Variants in DDX19B observed in about 807,000 individuals in gnomAD.
DDX19B encodes ATP-dependent RNA helicase DDX19B.
Under a neutral mutation model 58.1 loss-of-function variants are expected in DDX19B, and 27 were observed. The observed-to-expected ratio is 0.46, with a 90% CI of 0.34 to 0.64. The LOEUF is 0.64. Ranked by LOEUF, DDX19B falls within the 30% of genes least tolerant of loss-of-function variation. DDX19B has a pLI of 0.01. For synonymous variants in DDX19B, 187 were observed against 214.4 expected, an observed-to-expected ratio of 0.87 and a Z score of 1.12; for missense variants, 399 against 596.5, an observed-to-expected ratio of 0.67 and a Z score of 3.45.
chr16:70,295,809 A>G (rs2152179184), upstream of DDX19B, among the ~76,000 whole-genome samples: 1 of 152,048 alleles, frequency 6.6e-6, no homozygotes, highest in Non-Finnish European at 1.5e-5. Context: ...AGGATATAGT[A>G]TGTGCTGTAA....
upstream of DDX19B, among the ~76,000 whole-genome samples, chr16:70,293,153 A>G (rs910047172): frequency 2.0e-5 from 3 of 152,030 alleles, no homozygotes; most frequent in African/African-American, 7.2e-5. Context: ...GTGATGGCGT[A>G]TACCTTTAAT....
At chr16:70,292,302 G>C (rs543319989), upstream of DDX19B, among the ~76,000 whole-genome samples, 6 of 152,150 alleles carry the variant, frequency 3.9e-5, no homozygotes, top group African/African-American at 1.4e-4. Flanking sequence ...ACCACGCCCA[G>C]TTATTTTTTT....
intron 7 of DDX19B, among the ~76,000 whole-genome samples, chr16:70,326,119 C>T (rs777483234): frequency 4.6e-5 from 7 of 152,210 alleles, no homozygotes; most frequent in Non-Finnish European, 7.3e-5. Context: ...TGTACCCCTA[C>T]CTTTTTCTCT....
At chr16:70,308,482 C>T (rs1188995460) in intron 1 of DDX19B, among the ~76,000 whole-genome samples, 1 of 152,098 alleles carries the variant, frequency 6.6e-6, no homozygotes, top group East Asian at 1.9e-4. Flanking sequence ...GGTGATCAGC[C>T]TGCCTCAGCC....
chr16:70,313,162 G>C (rs1343553470), intron 2 of DDX19B, among the ~76,000 whole-genome samples: 1 of 150,066 alleles, frequency 6.7e-6, no homozygotes, highest in Non-Finnish European at 1.5e-5. Context: ...GGGACTACAG[G>C]CACCTGCCAC....
Position 70,329,867 on chromosome 16 carries a change from C to T in DDX19B, c.822C>T (p.Ser274=), listed in dbSNP as rs147242047. 56 of 1,614,100 alleles carry T rather than the reference C, an allele frequency of 3.5e-5. No individual in the cohort carries two copies. The African/African-American group carries it at 3.9e-4, about 11-fold the overall frequency. The part of the protein sequence containing the change: ...LPRNCQMLLF[S]ATFEDSVWKF... Reference sequence around the variant, plus strand: ...GGAACTGCCAGATGCTGCTTTTCTCCGCCACCTTTGAAGACTCTGTGTGGA... The same window carrying T: ...GGAACTGCCAGATGCTGCTTTTCTCTGCCACCTTTGAAGACTCTGTGTGGA... Residue 274 remains serine, a synonymous_variant, in exon 9 of 12, where the codon TCC becomes TCT. Transcript: ENST00000288071.
At chr16:70,305,522 T>G (rs1961704649) in intron 1 of DDX19B, among the ~76,000 whole-genome samples, 2 of 152,326 alleles carry the variant, frequency 1.3e-5, no homozygotes, top group African/African-American at 4.8e-5. Flanking sequence ...TACTTTACTG[T>G]TTTATTAAAT....
intron 1 of DDX19B, among the ~76,000 whole-genome samples, chr16:70,311,994 G>A (rs1328008743): frequency 6.6e-6 from 1 of 151,798 alleles, no homozygotes; most frequent in African/African-American, 2.4e-5. Context: ...GGCATGCACC[G>A]CCACGCCCAG....
intron 4 of DDX19B, among the ~76,000 whole-genome samples, chr16:70,316,878 G>A (rs776915742): frequency 1.3e-5 from 2 of 151,910 alleles, no homozygotes; most frequent in Admixed American, 6.6e-5. Flanking sequence ...CAAGACCAGC[G>A]TGGCCAACAT....
upstream of DDX19B, among the ~76,000 whole-genome samples, chr16:70,292,461 A>G (rs998097425): frequency 2.0e-5 from 3 of 152,184 alleles, no homozygotes; most frequent in African/African-American, 7.2e-5. Context: ...TGTCTCTTAA[A>G]ACAAAAAAAA....
chr16:70,308,426 A>G (rs545788766), intron 1 of DDX19B, among the ~76,000 whole-genome samples: 10 of 150,970 alleles, frequency 6.6e-5, no homozygotes, highest in African/African-American at 2.4e-4. Flanking sequence ...TAGTAGAGAC[A>G]GGGTTTTACC....
intron 10 of DDX19B, among the ~76,000 whole-genome samples, chr16:70,332,593 A>C (rs373881983): frequency 6.6e-6 from 1 of 151,836 alleles, no homozygotes; most frequent in African/African-American, 2.4e-5. Context: ...GAGCCACCGC[A>C]CTCGGCCCCC....
intron 3 of DDX19B, 33 bp from the exon 4 acceptor site, chr16:70,315,936 T>C (rs971982769): frequency 1.9e-6 from 3 of 1,606,036 alleles, no homozygotes; most frequent in Non-Finnish European, 2.6e-6. Context: ...TTCAAGGACT[T>C]TTTAAAATTC....
intron 5 of DDX19B, among the ~76,000 whole-genome samples, chr16:70,320,123 T>C (rs1962686294): frequency 6.6e-6 from 1 of 151,970 alleles, no homozygotes; most frequent in Non-Finnish European, 1.5e-5. Context: ...TTTTTTTTTT[T>C]CTGGGAGATA....
At chr16:70,309,567 C>A (rs908929770) in intron 1 of DDX19B, among the ~76,000 whole-genome samples, 1 of 151,004 alleles carries the variant, frequency 6.6e-6, no homozygotes, top group Non-Finnish European at 1.5e-5. Flanking sequence ...CGCCTGTAAT[C>A]CCAGCACTTT....
rs764216902 is a variant in DDX19B at position 70,317,563 on chromosome 16, G to A, written c.364G>A (p.Ala122Thr). ...TCGTCCATCCAAGATACAAGAGAACGCATTGCCACTGATGCTTGCTGAGCC... is the reference window on the plus strand; with the variant it reads ...TCGTCCATCCAAGATACAAGAGAACACATTGCCACTGATGCTTGCTGAGCC... ...FNRPSKIQEN[A>T]LPLMLAEPPQ... Residue 122 changes from alanine to threonine, a missense_variant, in exon 5 of 12, where the codon GCA becomes ACA. Physicochemically the swap from Ala to Thr is moderately conservative, Grantham distance 58. This residue lies in a region of DDX19B where 132 missense variants were observed against 159.4 expected (regional missense o/e 0.83). Coordinates refer to ENST00000288071, the MANE Select transcript of DDX19B (RefSeq NM_007242.7). 11 of 1,612,648 alleles carry A rather than the reference G, an allele frequency of 6.8e-6. No homozygotes were observed. The highest frequency in any genetic ancestry group is 8.5e-6 in the Non-Finnish European group (10 of 1,179,118).
intron 2 of DDX19B, among the ~76,000 whole-genome samples, chr16:70,314,540 T>C (rs915647899): frequency 1.3e-5 from 2 of 151,946 alleles, no homozygotes; most frequent in African/African-American, 4.8e-5. Flanking sequence ...GGCGGGTGCC[T>C]GTAATCCCAG....
At chr16:70,292,989 C>T (rs933949223), upstream of DDX19B, among the ~76,000 whole-genome samples, 1 of 151,768 alleles carries the variant, frequency 6.6e-6, no homozygotes, top group Admixed American at 6.6e-5. Flanking sequence ...ACCTGTAATC[C>T]CAGCTACTCA....
At chr16:70,296,539 G>A (rs1014103261), upstream of DDX19B, among the ~76,000 whole-genome samples, 1 of 151,970 alleles carries the variant, frequency 6.6e-6, no homozygotes, top group African/African-American at 2.4e-5. Flanking sequence ...ACTATATACG[G>A]TCCTGCAACT....
Sources: gnomAD v4.1 joint callset for allele counts (sites outside exome capture counted in the v4.1 genomes callset) on GRCh38, gnomAD v4.1.1 for gene constraint, gnomAD v4.1.1 regional missense constraint, MANE v1.5 for transcripts, NCBI Gene and HGNC (gene_info 2026-07-23, HGNC 2026-07-21) for gene names.